RFPL2: variants seen among roughly 807,000 people sequenced by gnomAD.
The protein encoded by RFPL2 is ret finger protein like 2.
A neutral mutation model predicts 17.8 loss-of-function variants in RFPL2; 13 were observed. The ratio of observed to expected loss-of-function variants is 0.73; its 90% CI spans 0.47 to 1.16. The LOEUF is 1.16. Ranked by LOEUF, RFPL2 falls within the 50% of genes most tolerant of loss-of-function variation. The pLI is 0.00. For synonymous variants in RFPL2, 189 were observed against 180.9 expected (o/e 1.04, Z -0.36); for missense variants, 431 against 479.3 (o/e 0.90, Z 0.94).
chr22:32,197,883 A>T (rs926450289), intron 2 of RFPL2, among the ~76,000 whole-genome samples: 3 of 152,160 alleles, frequency 2.0e-5, no homozygotes, highest in Non-Finnish European at 2.9e-5. Flanking sequence ...TTTGAGTCAG[A>T]CACTCCAAAC....
At chr22:32,192,814 A>G (rs1462280438) in intron 4 of RFPL2, 88 bp downstream of exon 4, 7 of 1,498,046 alleles carry the variant, frequency 4.7e-6, no homozygotes, top group East Asian at 4.5e-5. Flanking sequence ...GACAGCAGCT[A>G]ATCCCCATGT....
rs186964511 is a variant in RFPL2 at position 32,190,470 on chromosome 22, C to T, written c.*302G>A. ...CCAATCTTTATTTAACTCATAACTT[C>T]TATAATACATTAATTTGAACTTGCA... On this transcript the variant is annotated 3_prime_UTR_variant, in exon 5 of 5. Coordinates refer to ENST00000652607, the MANE Select transcript of RFPL2 (RefSeq NM_001394555.1). The T allele has an allele frequency of 1.8e-3, 455 of 247,932 alleles. 3 individuals carry two copies. Among genetic ancestry groups the T allele is most frequent in the African/African-American group, 9.2e-3 (413 of 44,964 alleles). The allele number at this position is 247,932 out of a possible 1,614,324, so 15.4% of individuals were successfully genotyped here.
Position 32,193,151 on chromosome 22 carries a change from C to A in RFPL2, c.307G>T (p.Val103Phe). The A allele has an allele frequency of 1.2e-6, 2 of 1,613,928 alleles. No homozygotes were observed. The highest frequency in any genetic ancestry group is 1.7e-6 in the Non-Finnish European group (2 of 1,179,856). The part of the protein sequence containing the change: ...ALFQEASSCP[V>F]CSDYLEKPMS... Reference sequence around the variant, plus strand: ...GGTTTTTCCAGATAGTCTGAGCAGACGGGACAGCTGCTTGCTTCTTGGAAG... The same window carrying A: ...GGTTTTTCCAGATAGTCTGAGCAGAAGGGACAGCTGCTTGCTTCTTGGAAG... The change falls in exon 4 of 5, where the codon GTC becomes TTC. Residue 103 changes from valine to phenylalanine, a missense_variant. By Grantham distance (50) the Val-to-Phe change is conservative. Transcript: ENST00000652607.
chr22:32,197,236 A>T (rs1923426806), intron 2 of RFPL2, among the ~76,000 whole-genome samples: 1 of 152,208 alleles, frequency 6.6e-6, no homozygotes, highest in South Asian at 2.1e-4. Context: ...GAGTCCCATC[A>T]TTAATGTTAT....
chr22:32,194,284 A>C, intron 3 of RFPL2, 61 bp downstream of exon 3: 1 of 1,561,380 alleles, frequency 6.4e-7, no homozygotes. Context: ...CATCCCCCCA[A>C]GTCATAACCC....
At position 32,193,155 on chromosome 22, in the gene RFPL2, A is replaced by G. The variant is rs756204878; in HGVS notation, c.303T>C (p.Cys101=). The G allele has an allele frequency of 6.8e-6, 11 of 1,613,996 alleles. No individual in the cohort carries two copies. The highest frequency in any genetic ancestry group is 9.3e-6 in the Non-Finnish European group (11 of 1,179,870). ...MAALFQEASS[C]PVCSDYLEKP... ...TTTCCAGATAGTCTGAGCAGACGGG[A>G]CAGCTGCTTGCTTCTTGGAAGAGTG... The change falls in exon 4 of 5, where the codon TGT becomes TGC. Residue 101 remains cysteine, a synonymous_variant. Transcript: ENST00000652607.
intron 2 of RFPL2, among the ~76,000 whole-genome samples, chr22:32,201,540 A>C (rs1175662068): frequency 2.0e-5 from 3 of 152,172 alleles, no homozygotes; most frequent in Non-Finnish European, 4.4e-5. Flanking sequence ...TGGCAGCTCT[A>C]GGACATGGCG....
intron 2 of RFPL2, chr22:32,200,054 C>T (rs1222259308): frequency 8.8e-6 from 4 of 452,536 alleles, no homozygotes; most frequent in Non-Finnish European, 1.8e-5. Context: ...AGGCAAACAG[C>T]ACCCCTGTCA....
chr22:32,201,138 C>T (rs1923875478), intron 2 of RFPL2, among the ~76,000 whole-genome samples: 1 of 150,576 alleles, frequency 6.6e-6, no homozygotes, highest in African/African-American at 2.5e-5. Context: ...TCCAGGTTCA[C>T]GCCATTCTCC....
intron 3 of RFPL2, among the ~76,000 whole-genome samples, 161 bp downstream of exon 3, chr22:32,194,184 A>C (rs754950799): frequency 6.6e-6 from 1 of 152,204 alleles, no homozygotes; most frequent in Non-Finnish European, 1.5e-5. Flanking sequence ...TTACACTCCT[A>C]GACTGGGGAT....
At chr22:32,195,269 A>G (rs1198776972) in intron 2 of RFPL2, among the ~76,000 whole-genome samples, 2 of 152,158 alleles carry the variant, frequency 1.3e-5, no homozygotes, top group African/African-American at 4.8e-5. Context: ...AGCTTTAAAT[A>G]TGATTCCTCA....
chr22:32,190,921 T>C lies in RFPL2; in HGVS notation c.988A>G (p.Thr330Ala). 6.2e-7 allele frequency: 1 copy of C among 1,603,076 alleles called. No individual in the cohort carries two copies. The highest frequency in any genetic ancestry group is 8.5e-7 in the Non-Finnish European group (1 of 1,173,992). Residue 330 changes from threonine (T) to alanine (A), a missense_variant, in exon 5 of 5, where the codon ACA (threonine) becomes GCA (alanine). Transcript: ENST00000652607. The stretch of plus-strand genomic sequence containing the variant: ...TCCTCAGCAGATACGCTCCTGAATG[T>C]ATAGACATGGGAACCACTTTCAGCA... Reference protein sequence around the residue: ...FDAESGSHVYTFRSVSAEEPL... With the variant: ...FDAESGSHVYAFRSVSAEEPL...
intron 2 of RFPL2, among the ~76,000 whole-genome samples, chr22:32,196,228 A>G (rs1862773286): frequency 6.6e-6 from 1 of 152,240 alleles, no homozygotes; most frequent in South Asian, 2.1e-4. Flanking sequence ...GGAAATGGCC[A>G]GGTTAGTGAT....
At chr22:32,197,470 T>C (rs1477271173) in intron 2 of RFPL2, among the ~76,000 whole-genome samples, 2 of 152,150 alleles carry the variant, frequency 1.3e-5, no homozygotes, top group Admixed American at 6.5e-5. Flanking sequence ...ACATGTAGGT[T>C]TGTTACATAC....
At chr22:32,196,133 T>A (rs136485) in intron 2 of RFPL2, among the ~76,000 whole-genome samples, 83,446 of 152,068 alleles carry the variant, frequency 0.55, 25,423 homozygotes, top group African/African-American at 0.81. Context: ...ATCTTTCTGG[T>A]CCTGATTTAT....
chr22:32,200,328 T>A, intron 2 of RFPL2: 1 of 219,906 alleles, frequency 4.5e-6, no homozygotes. Context: ...CCCTTCTCCC[T>A]GCACCCAGGA....
At chr22:32,204,166 C>T (rs1002093744) in intron 1 of RFPL2, among the ~76,000 whole-genome samples, 1 of 150,596 alleles carries the variant, frequency 6.6e-6, no homozygotes. Flanking sequence ...CCAACACGCT[C>T]CTGGCTGTAG....
At chr22:32,197,676 C>A (rs62239006) in intron 2 of RFPL2, among the ~76,000 whole-genome samples, 2 of 152,094 alleles carry the variant, frequency 1.3e-5, no homozygotes, top group Non-Finnish European at 2.9e-5. Context: ...TCTGTCCTTG[C>A]GTTGGTTTGC....
At chr22:32,198,061 A>C (rs1603207623) in intron 2 of RFPL2, among the ~76,000 whole-genome samples, 1 of 152,284 alleles carries the variant, frequency 6.6e-6, no homozygotes, top group East Asian at 1.9e-4. Context: ...GGTTGTGGTC[A>C]GATTGGACCT....
Sources: gnomAD v4.1 joint callset for allele counts (sites outside exome capture counted in the v4.1 genomes callset) on GRCh38, gnomAD v4.1.1 for gene constraint, MANE v1.5 for transcripts, NCBI Gene and HGNC (gene_info 2026-07-23, HGNC 2026-07-21) for gene names.